Variants in ZNF334 observed in about 807,000 individuals in gnomAD.
ZNF334 encodes the protein zinc finger protein 334.
In ZNF334, 14 loss-of-function variants were observed where a neutral mutation model predicts 12.4. That is an observed-to-expected ratio of 1.13 (90% CI 0.74 to 1.76). The LOEUF (loss-of-function observed/expected upper bound fraction) is 1.76, where lower values mean the gene tolerates loss of function less well. Among genes scored for constraint, ZNF334 ranks in the 40% most tolerant of loss-of-function variants. The probability of loss-of-function intolerance (pLI) is 0.00; values close to 1 mark genes in which losing one functional copy is unlikely to be tolerated. For synonymous variants in ZNF334, 273 were observed against 269.6 expected, an observed-to-expected ratio of 1.01 and a Z score of -0.12; for missense variants, 797 against 804.5, an observed-to-expected ratio of 0.99 and a Z score of 0.11.
the ZNF334 span, chr20:46,474,671 G>A: frequency 6.6e-6 from 1 of 152,054 alleles, no homozygotes; most frequent in Admixed American, 6.5e-5. Flanking sequence ...CCCTTTGCAT[G>A]TTGGGGCTAA....
rs1214133610 is a variant in ZNF334 at position 46,513,280 on chromosome 20, G to C, written c.-779C>G. 1 of 152,284 alleles carries C rather than the reference G, an allele frequency of 6.6e-6. No homozygotes were observed. Among genetic ancestry groups the C allele is most frequent in the Non-Finnish European group, 1.5e-5 (1 of 68,104 alleles). The allele number at this position is 152,284 out of a possible 1,614,324, so 9.4% of individuals were successfully genotyped here. ...GGGCCCTAGAGAGAGCTCGCCCGTG[G>C]CCTGCAGGTCAGGAGCCCAATCCTG... On this transcript the variant is annotated 5_prime_UTR_variant, in exon 1 of 5. Transcript: ENST00000692313.
chr20:46,470,020 A>G, the ZNF334 span, among the ~76,000 whole-genome samples: 2 of 152,088 alleles, frequency 1.3e-5, no homozygotes, highest in Non-Finnish European at 2.9e-5. Context: ...GATTCATCCC[A>G]CTCAGGCTTT....
chr20:46,495,464 A>C (rs1295606554), downstream of ZNF334, among the ~76,000 whole-genome samples: 1 of 152,004 alleles, frequency 6.6e-6, no homozygotes, highest in South Asian at 2.1e-4. Flanking sequence ...TTATCTCTGA[A>C]GATAACTTCC....
In ZNF334 at chr20:46,512,145, G is replaced by C. The variant is rs200756148; in HGVS notation, c.-38-5C>G. The C allele has an allele frequency of 1.2e-5, 19 of 1,612,262 alleles. No homozygotes were observed. In the African/African-American group the frequency reaches 2.4e-4, roughly 20 times the overall value. ...CCAAGAGTGTTGAAAGCAGAGCTGG[G>C]TAAGGAAGAATGGCGAATGGAATCA... On this transcript the variant is annotated splice_polypyrimidine_tract_variant and splice_region_variant and intron_variant, in intron 1 of 4. Transcript: ENST00000692313.
At chr20:46,469,111 A>C in the ZNF334 span, among the ~76,000 whole-genome samples, 1,609 of 152,306 alleles carry the variant, frequency 0.011, 44 homozygotes, top group African/African-American at 0.037. Flanking sequence ...ACATGTACTC[A>C]TTTTATTTGA....
chr20:46,488,419 T>TTATATATATATATATATATATA, the ZNF334 span, among the ~76,000 whole-genome samples: 139 of 102,156 alleles, frequency 1.4e-3, 3 homozygotes, highest in East Asian at 4.7e-3. Flanking sequence ...AGCTCTTATT[T>TTATATATATATATATATATATA]TATATATATA....
chr20:46,493,413 C>CTAAA, the ZNF334 span, among the ~76,000 whole-genome samples: 1 of 152,188 alleles, frequency 6.6e-6, no homozygotes, highest in Non-Finnish European at 1.5e-5. Flanking sequence ...TGGATCTGAA[C>CTAAA]TAAAGGGTAA....
At chr20:46,511,976 C>G in intron 2 of ZNF334, 106 bp downstream of exon 2, 1 of 1,122,932 alleles carries the variant, frequency 8.9e-7, no homozygotes, top group Non-Finnish European at 1.3e-6. Flanking sequence ...TGATCGAATA[C>G]TCTTCTCTGA....
intron 2 of ZNF334, among the ~76,000 whole-genome samples, chr20:46,508,786 A>G (rs902732296): frequency 6.6e-6 from 1 of 152,252 alleles, no homozygotes; most frequent in Non-Finnish European, 1.5e-5. Context: ...ATAACTTTCT[A>G]ATCTTAAATA....
At chr20:46,479,264 A>T in the ZNF334 span, among the ~76,000 whole-genome samples, 1 of 151,908 alleles carries the variant, frequency 6.6e-6, no homozygotes. Context: ...TCTTTTAAGG[A>T]CCCTTTTGAT....
At chr20:46,490,782 T>C in the ZNF334 span, 2 of 152,224 alleles carry the variant, frequency 1.3e-5, no homozygotes, top group African/African-American at 4.8e-5. Context: ...TTGATGTATG[T>C]TGCAGTGTCC....
At chr20:46,476,887 C>T in the ZNF334 span, 1 of 152,194 alleles carries the variant, frequency 6.6e-6, no homozygotes, top group African/African-American at 2.4e-5. Context: ...TATATCCTAT[C>T]AGGATTCAAA....
downstream of ZNF334, among the ~76,000 whole-genome samples, chr20:46,497,957 A>AT (rs1232784549): frequency 4.6e-4 from 17 of 36,574 alleles, no homozygotes. Context: ...TTATTCCAAG[A>AT]TTTCCCCGTC....
At chr20:46,494,195 A>C in the ZNF334 span, among the ~76,000 whole-genome samples, 1 of 152,234 alleles carries the variant, frequency 6.6e-6, no homozygotes, top group Non-Finnish European at 1.5e-5. Context: ...TAGAAGTCGA[A>C]TTACTTTCCC....
At chr20:46,474,533 C>T in the ZNF334 span, 44,864 of 152,050 alleles carry the variant, frequency 0.3, 8,331 homozygotes, top group African/African-American at 0.53. Context: ...CCATGTAGAC[C>T]GATGAGGAGT....
At chr20:46,466,363 A>G in the ZNF334 span, among the ~76,000 whole-genome samples, 7 of 152,260 alleles carry the variant, frequency 4.6e-5, no homozygotes, top group African/African-American at 7.2e-5. Flanking sequence ...AGATTACACT[A>G]CCATAAAAAT....
chr20:46,464,698 T>C, the ZNF334 span: 1 of 443,914 alleles, frequency 2.3e-6, no homozygotes, highest in South Asian at 1.8e-5. Flanking sequence ...CAGCTTGTTA[T>C]CACAGCTGTT....
At chr20:46,475,177 T>C in the ZNF334 span, among the ~76,000 whole-genome samples, 3 of 152,148 alleles carry the variant, frequency 2.0e-5, no homozygotes, top group South Asian at 2.1e-4. Context: ...AATATAAATA[T>C]GGAGTAAATC....
chr20:46,497,964 C>CCT (rs3092820), downstream of ZNF334, among the ~76,000 whole-genome samples: 131,837 of 152,124 alleles, frequency 0.87, 57,583 homozygotes, highest in East Asian at 0.99. Context: ...AAGATTTCCC[C>CCT]GTCTATGGAA....
Sources: allele counts gnomAD v4.1 joint callset (sites outside exome capture counted in the v4.1 genomes callset), GRCh38; gene constraint gnomAD v4.1.1; transcripts MANE v1.5; gene names NCBI Gene and HGNC (gene_info 2026-07-23, HGNC 2026-07-21).